The following GRID2 variants were observed in gnomAD, a reference collection of about 807,000 sequenced individuals.
The protein encoded by GRID2 is glutamate receptor ionotropic, delta-2.
In GRID2, 33 loss-of-function variants were observed where a neutral mutation model predicts 114.8. The ratio of observed to expected loss-of-function variants is 0.29; its 90% CI spans 0.22 to 0.38. The LOEUF is 0.38. GRID2 is among the 10% of genes least tolerant of loss of function. The probability of loss-of-function intolerance (pLI) is 1.00; values close to 1 mark genes in which losing one functional copy is unlikely to be tolerated. For missense variants in GRID2, 1,184 were observed against 1,257.7 expected, an observed-to-expected ratio of 0.94 and a Z score of 0.89; for synonymous variants, 505 against 449.9, an observed-to-expected ratio of 1.12 and a Z score of -1.55.
chr4:92,318,294 A>G (rs1413515796), intron 1 of GRID2, among the ~76,000 whole-genome samples: 3 of 128,754 alleles, frequency 2.3e-5, no homozygotes, highest in African/African-American at 9.5e-5. Flanking sequence ...ATGTGTGTAT[A>G]TATATATATA....
At chr4:92,744,663 G>A (rs756850029) in intron 2 of GRID2, among the ~76,000 whole-genome samples, 2 of 151,950 alleles carry the variant, frequency 1.3e-5, no homozygotes, top group Non-Finnish European at 2.9e-5. Flanking sequence ...CACTTTTCTA[G>A]TGTTTCTCAT....
intron 6 of GRID2, 124 bp downstream of exon 6, chr4:93,217,035 A>T: frequency 1.6e-6 from 1 of 636,540 alleles, no homozygotes. Flanking sequence ...TCCTCCAGCA[A>T]TTTCATAAGT....
chr4:93,797,132 A>AAAAAAGTGGTATT (rs1734820346), intron 1 of GRID2, among the ~76,000 whole-genome samples: 1 of 152,226 alleles, frequency 6.6e-6, no homozygotes, highest in Non-Finnish European at 1.5e-5. Context: ...AAGGCTCAGC[A>AAAAAAGTGGTATT]AAAATGTGGT....
At chr4:93,217,492 T>G (rs1256275564) in intron 6 of GRID2, among the ~76,000 whole-genome samples, 2 of 152,168 alleles carry the variant, frequency 1.3e-5, no homozygotes. Context: ...TGTAGCTTAC[T>G]CATAAGAATG....
chr4:92,753,479 C>A (rs1215125203), intron 2 of GRID2, among the ~76,000 whole-genome samples: 1 of 152,120 alleles, frequency 6.6e-6, no homozygotes, highest in Admixed American at 6.6e-5. Flanking sequence ...CTAAAAGCAT[C>A]CTTATGCATC....
chr4:92,403,164 A>G (rs2110284714), intron 1 of GRID2, among the ~76,000 whole-genome samples: 1 of 152,310 alleles, frequency 6.6e-6, no homozygotes, highest in Non-Finnish European at 1.5e-5. Flanking sequence ...CTTTGGCTTA[A>G]GAGAATGTGT....
At position 92,697,064 on chromosome 4, in the gene GRID2, G is replaced by C. The variant is rs147324780; in HGVS notation, c.244+106778G>C. Among the ~76,000 whole-genome samples, 8 of 152,324 alleles carry C rather than the reference G, an allele frequency of 5.3e-5. No homozygotes were observed. In the East Asian group the frequency reaches 1.5e-3, roughly 29 times the overall value. On this transcript the variant is annotated intron_variant, in intron 2 of 15. Transcript: ENST00000282020. ...CACTTCCTACATTTGAACGCTTACA[G>C]TGGCATGAGCCTTAAATGAGCAAGC...
At chr4:92,553,149 C>T (rs1726679003) in intron 1 of GRID2, among the ~76,000 whole-genome samples, 1 of 152,196 alleles carries the variant, frequency 6.6e-6, no homozygotes, top group African/African-American at 2.4e-5. Context: ...CTTTATGGAA[C>T]TTAGAATAGG....
intron 13 of GRID2, among the ~76,000 whole-genome samples, chr4:93,616,955 A>G (rs562331467): frequency 3.8e-4 from 57 of 151,568 alleles, no homozygotes; most frequent in African/African-American, 1.4e-3. Flanking sequence ...TCATGCCACT[A>G]CACTCCAGCC....
intron 2 of GRID2, among the ~76,000 whole-genome samples, chr4:92,943,411 C>A (rs989318076): frequency 6.6e-6 from 1 of 152,160 alleles, no homozygotes; most frequent in African/African-American, 2.4e-5. Flanking sequence ...AGTTCTCATG[C>A]CATGGTTTTC....
At chr4:92,625,266 A>T (rs1363385022) in intron 2 of GRID2, among the ~76,000 whole-genome samples, 1 of 151,770 alleles carries the variant, frequency 6.6e-6, no homozygotes, top group African/African-American at 2.4e-5. Context: ...CAATTTCATG[A>T]TACTCAAGAA....
intron 2 of GRID2, among the ~76,000 whole-genome samples, chr4:92,849,397 A>C (rs936472550): frequency 1.3e-5 from 2 of 151,900 alleles, no homozygotes; most frequent in African/African-American, 2.4e-5. Context: ...AATGCACTCT[A>C]TTTCTAAGGA....
intron 2 of GRID2, among the ~76,000 whole-genome samples, chr4:92,970,989 G>A (rs1396622461): frequency 6.6e-6 from 1 of 151,542 alleles, no homozygotes; most frequent in Admixed American, 6.6e-5. Context: ...ATGTGTGTCT[G>A]TGTGTGTATT....
intron 1 of GRID2, among the ~76,000 whole-genome samples, chr4:92,384,923 G>T (rs898515773): frequency 8.0e-5 from 12 of 150,908 alleles, no homozygotes; most frequent in Non-Finnish European, 1.5e-4. Flanking sequence ...TGTTTATGGA[G>T]CTGAATCAGA....
intron 8 of GRID2, among the ~76,000 whole-genome samples, chr4:93,239,335 A>G (rs962181739): frequency 3.4e-5 from 5 of 149,096 alleles, no homozygotes; most frequent in Non-Finnish European, 6.0e-5. Flanking sequence ...TTTGCTATCT[A>G]TCTATCTATG....
At chr4:93,076,042 T>C (rs1215805171) in intron 2 of GRID2, among the ~76,000 whole-genome samples, 14 of 151,770 alleles carry the variant, frequency 9.2e-5, no homozygotes, top group Non-Finnish European at 1.5e-5. Context: ...TAGCTGGGAC[T>C]ACAGGCACCC....
chr4:93,394,691 C>T (rs963948654), intron 8 of GRID2, among the ~76,000 whole-genome samples: 2 of 151,932 alleles, frequency 1.3e-5, no homozygotes, highest in African/African-American at 2.4e-5. Flanking sequence ...TGTGCACATG[C>T]GGAATATGTT....
intron 13 of GRID2, among the ~76,000 whole-genome samples, chr4:93,547,082 G>A (rs994680334): frequency 6.6e-6 from 1 of 152,070 alleles, no homozygotes; most frequent in African/African-American, 2.4e-5. Flanking sequence ...AGGCAACCCT[G>A]TTCTCAAAAT....
chr4:92,851,358 G>A (rs893562843), intron 2 of GRID2, among the ~76,000 whole-genome samples: 4 of 151,790 alleles, frequency 2.6e-5, no homozygotes, highest in African/African-American at 7.3e-5. Flanking sequence ...TTCTATTAAA[G>A]CAATGAGGCA....
Sources: gnomAD v4.1 joint callset for allele counts (sites outside exome capture counted in the v4.1 genomes callset) on GRCh38, gnomAD v4.1.1 for gene constraint, MANE v1.5 for transcripts, NCBI Gene and HGNC (gene_info 2026-07-23, HGNC 2026-07-21) for gene names.